VAV2: variants seen among roughly 807,000 people sequenced by gnomAD.
VAV2 encodes the protein vav guanine nucleotide exchange factor 2, also known as guanine nucleotide exchange factor VAV2.
VAV2 carries 67 observed loss-of-function variants against 132.5 expected under a neutral mutation model. That is an observed-to-expected ratio of 0.51 (90% confidence interval 0.42 to 0.62). The LOEUF is 0.62. Among genes scored for constraint, VAV2 ranks in the 20% least tolerant of loss-of-function variants. The pLI is 0.00. For synonymous variants in VAV2, 492 were observed against 443.5 expected, an observed-to-expected ratio of 1.11 and a Z score of -1.37; for missense variants, 938 against 1,153.6, an observed-to-expected ratio of 0.81 and a Z score of 2.71.
intron 8 of VAV2, among the ~76,000 whole-genome samples, chr9:133,806,405 G>A (rs986203431): frequency 2.6e-5 from 4 of 152,156 alleles, no homozygotes; most frequent in East Asian, 1.9e-4. Context: ...GAGGGAAGCC[G>A]CCCACAGCCC....
intron 1 of VAV2, among the ~76,000 whole-genome samples, chr9:133,968,703 G>A (rs368131408): frequency 1.1e-4 from 16 of 152,248 alleles, no homozygotes; most frequent in South Asian, 4.1e-4. Context: ...AGCCACCATC[G>A]GCCTCTGCCT....
At chr9:133,787,118 G>A (rs1834258164) in intron 16 of VAV2, 128 bp downstream of exon 16, 1 of 1,055,366 alleles carries the variant, frequency 9.5e-7, no homozygotes, top group Non-Finnish European at 1.3e-6. Context: ...GGGAGTGGAG[G>A]ACGAAGGACC....
chr9:133,803,723 C>A (rs375496875), intron 9 of VAV2, among the ~76,000 whole-genome samples: 1 of 152,326 alleles, frequency 6.6e-6, no homozygotes, highest in East Asian at 1.9e-4. Context: ...CCACCCTTCA[C>A]CCCCGACGAG....
At chr9:133,988,740 A>G (rs1373110209) in intron 1 of VAV2, among the ~76,000 whole-genome samples, 2 of 152,016 alleles carry the variant, frequency 1.3e-5, no homozygotes, top group Non-Finnish European at 2.9e-5. Context: ...TGGCCAACAT[A>G]GTGAAACCCC....
intron 3 of VAV2, among the ~76,000 whole-genome samples, chr9:133,838,755 A>G (rs898561519): frequency 2.9e-5 from 4 of 138,850 alleles, no homozygotes; most frequent in Non-Finnish European, 6.2e-5. Context: ...GGATGAATGG[A>G]TGGGTGGATG....
chr9:133,922,588 T>C (rs1840334815), intron 2 of VAV2, among the ~76,000 whole-genome samples: 1 of 152,172 alleles, frequency 6.6e-6, no homozygotes, highest in Admixed American at 6.5e-5. Flanking sequence ...TCCAAGGCCA[T>C]TCAGTGGGAA....
chr9:133,851,703 G>A (rs1288562207), intron 3 of VAV2, among the ~76,000 whole-genome samples: 2 of 150,376 alleles, frequency 1.3e-5, no homozygotes, highest in Non-Finnish European at 3.0e-5. Context: ...TGGATGAGTG[G>A]ATAAATGAAT....
chr9:133,953,837 A>G (rs1841650289), intron 1 of VAV2, among the ~76,000 whole-genome samples: 1 of 152,118 alleles, frequency 6.6e-6, no homozygotes, highest in African/African-American at 2.4e-5. Context: ...GTCTCCAAAG[A>G]AGGCACCTGG....
At position 133,788,588 on chromosome 9, in the gene VAV2, T is replaced by A; in HGVS notation, c.1275-102A>T. The A allele has an allele frequency of 6.7e-7, 1 of 1,494,792 alleles. No individual in the cohort carries two copies. Among genetic ancestry groups the A allele is most frequent in the Non-Finnish European group, 9.0e-7 (1 of 1,106,764 alleles). The allele number at this position is 1,494,792 out of a possible 1,614,324, so 92.6% of individuals were successfully genotyped here. A position where few individuals can be genotyped will look rare whatever the true frequency, so the allele number is the denominator to read the frequency against. On this transcript the variant is annotated intron_variant, in intron 14 of 29. Coordinates refer to ENST00000371850, the MANE Select transcript of VAV2 (RefSeq NM_001134398.2). This position sits in a 1 kb window ranked among gnomAD's most constrained non-coding sequence, Gnocchi z 5.3. The stretch of plus-strand genomic sequence containing the variant: ...CCTGAGGCTCTGGCACGCGGCTCCC[T>A]CTCCGGGCGAGCCCTGCCCTCACCT...
chr9:133,796,653 A>G, intron 10 of VAV2, 129 bp from the exon 11 acceptor site: 1 of 793,646 alleles, frequency 1.3e-6, no homozygotes. Flanking sequence ...GCCCTTCTCT[A>G]GCCAGGCTCC....
chr9:133,841,019 G>A (rs1383730423), intron 3 of VAV2, among the ~76,000 whole-genome samples: 1 of 152,160 alleles, frequency 6.6e-6, no homozygotes, highest in Non-Finnish European at 1.5e-5. Flanking sequence ...AGGGCCCTGA[G>A]GAGCCGGCAG....
chr9:133,964,323 T>TAC (rs1418152432), intron 1 of VAV2, among the ~76,000 whole-genome samples: 3 of 138,552 alleles, frequency 2.2e-5, no homozygotes, highest in Non-Finnish European at 4.7e-5. Context: ...TATATATATA[T>TAC]ACACATATGT....
At chr9:133,777,560 C>T (rs1833860763) in intron 22 of VAV2, 97 bp from the exon 23 acceptor site, 1 of 1,214,684 alleles carries the variant, frequency 8.2e-7, no homozygotes, top group South Asian at 1.3e-5. Flanking sequence ...CAATCCCGCT[C>T]CTGGAGGGTG....
intron 1 of VAV2, among the ~76,000 whole-genome samples, chr9:133,970,885 T>C (rs562548477): frequency 6.6e-6 from 1 of 152,382 alleles, no homozygotes; most frequent in South Asian, 2.1e-4. Flanking sequence ...GGTTAACAGA[T>C]GTTTCGTTTA....
At chr9:133,920,697 G>A (rs906891844) in intron 2 of VAV2, among the ~76,000 whole-genome samples, 11 of 151,890 alleles carry the variant, frequency 7.2e-5, no homozygotes, top group Admixed American at 5.9e-4. Context: ...TCAGCTGCTC[G>A]GCTCAAGGCG....
At chr9:133,900,070 A>G (rs1213536690) in intron 2 of VAV2, among the ~76,000 whole-genome samples, 1 of 151,394 alleles carries the variant, frequency 6.6e-6, no homozygotes, top group Non-Finnish European at 1.5e-5. Flanking sequence ...ATAGTGGCAC[A>G]TGCCTGTGGT....
At chr9:133,809,561 C>T (rs1284865416) in intron 6 of VAV2, among the ~76,000 whole-genome samples, 1 of 152,226 alleles carries the variant, frequency 6.6e-6, no homozygotes, top group Non-Finnish European at 1.5e-5. Context: ...AGACTGTGTG[C>T]TCGGCTCCAT....
intron 4 of VAV2, among the ~76,000 whole-genome samples, chr9:133,827,101 C>T (rs757187414): frequency 6.6e-6 from 1 of 152,174 alleles, no homozygotes; most frequent in African/African-American, 2.4e-5. Context: ...CAGAGGGCCC[C>T]AGGACTCCAG....
chr9:133,844,788 C>T lies in VAV2; in HGVS notation c.381-10448G>A, dbSNP rs77214022. ...GGACTATGGCACAGGAACGCAGACA[C>T]GACAGGTCTGATTCACGAGGAGGAA... On this transcript the variant is annotated intron_variant, in intron 3 of 29. Transcript: ENST00000371850. Among the ~76,000 whole-genome samples the T allele has an allele frequency of 9.4e-3, 1,437 of 152,300 alleles. 34 individuals carry two copies. The highest frequency in any genetic ancestry group is 0.052 in the Admixed American group (803 of 15,306).
Sources: allele counts gnomAD v4.1 joint callset (sites outside exome capture counted in the v4.1 genomes callset), GRCh38; gene constraint gnomAD v4.1.1; non-coding constraint Gnocchi (gnomAD v3.1); transcripts MANE v1.5; gene names NCBI Gene and HGNC (gene_info 2026-07-23, HGNC 2026-07-21).